Variants in STX8 observed in about 807,000 individuals in gnomAD.
STX8 encodes the protein syntaxin 8, also known as syntaxin-8.
In STX8, 23 loss-of-function variants were observed where a neutral mutation model predicts 37.5. That is an observed-to-expected ratio of 0.61 (90% CI 0.44 to 0.87). The LOEUF is 0.87. STX8 is among the 40% of genes least tolerant of loss of function. The probability of loss-of-function intolerance (pLI) is 0.00; values close to 1 mark genes in which losing one functional copy is unlikely to be tolerated. For synonymous variants in STX8, 115 were observed against 99.1 expected, an observed-to-expected ratio of 1.16 and a Z score of -0.95; for missense variants, 313 against 284.7, an observed-to-expected ratio of 1.10 and a Z score of -0.71.
intron 6 of STX8, among the ~76,000 whole-genome samples, chr17:9,478,710 G>A (rs1906196161): frequency 6.6e-6 from 1 of 152,108 alleles, no homozygotes; most frequent in South Asian, 2.1e-4. Context: ...CATGATTCTT[G>A]TCACTTGCTG....
intron 2 of STX8, among the ~76,000 whole-genome samples, chr17:9,558,587 G>A (rs1465841606): frequency 2.0e-5 from 3 of 152,250 alleles, no homozygotes; most frequent in Admixed American, 6.5e-5. Context: ...TGTAATCCCA[G>A]CACTTTGGGA....
intron 6 of STX8, among the ~76,000 whole-genome samples, chr17:9,428,900 A>G (rs1340506368): frequency 6.6e-6 from 1 of 152,164 alleles, no homozygotes; most frequent in Non-Finnish European, 1.5e-5. Flanking sequence ...GTCTATTCAG[A>G]GGCTCTGTTG....
intron 7 of STX8, among the ~76,000 whole-genome samples, chr17:9,269,582 TG>T (rs1907375786): frequency 6.6e-6 from 1 of 152,210 alleles, no homozygotes; most frequent in South Asian, 2.1e-4. Context: ...TCCACTCTTC[TG>T]GAAAAAAGTA....
At position 9,291,841 on chromosome 17, in the gene STX8, G is replaced by A. The variant is rs532530991; in HGVS notation, c.644-41196C>T. On this transcript the variant is annotated intron_variant, in intron 7 of 7. Coordinates refer to ENST00000306357, the MANE Select transcript of STX8 (RefSeq NM_004853.3). ...GGGCTTTGAACAGTCCAAAGGCTCC[G>A]CTAGCCAGTCTTTATTGCTTGCTGT... Among the ~76,000 whole-genome samples, 17 of 152,284 alleles carry A rather than the reference G, an allele frequency of 1.1e-4. No individual in the cohort carries two copies. In the South Asian group the frequency reaches 2.5e-3, roughly 22 times the overall value.
intron 7 of STX8, among the ~76,000 whole-genome samples, chr17:9,328,372 G>A (rs1353870032): frequency 6.6e-6 from 1 of 152,130 alleles, no homozygotes. Context: ...GACAGCCTTT[G>A]AGGCCCTTCC....
intron 4 of STX8, among the ~76,000 whole-genome samples, chr17:9,520,174 C>T (rs978881350): frequency 6.6e-6 from 1 of 152,146 alleles, no homozygotes; most frequent in Admixed American, 6.6e-5. Context: ...TTTTTAAGCT[C>T]TCTTTCTTAA....
At chr17:9,558,526 A>T (rs1323362196) in intron 2 of STX8, among the ~76,000 whole-genome samples, 1 of 152,192 alleles carries the variant, frequency 6.6e-6, no homozygotes, top group Admixed American at 6.5e-5. Flanking sequence ...AGGAAAGCAG[A>T]TCTCTCTACA....
chr17:9,378,838 AAAG>A (rs1390413082), intron 6 of STX8, among the ~76,000 whole-genome samples, 185 bp from the exon 7 acceptor site: 1 of 152,172 alleles, frequency 6.6e-6, no homozygotes, highest in Non-Finnish European at 1.5e-5. Flanking sequence ...AAGCAGTAGT[AAAG>A]AAGAAAACTG....
intron 7 of STX8, among the ~76,000 whole-genome samples, chr17:9,320,947 A>C (rs1460478173): frequency 7.3e-6 from 1 of 136,206 alleles, no homozygotes; most frequent in Non-Finnish European, 1.6e-5. Context: ...CGGGGCCTCC[A>C]AAAAAAAAAA....
chr17:9,394,462 C>G (rs1468028781), intron 6 of STX8, among the ~76,000 whole-genome samples: 2 of 151,742 alleles, frequency 1.3e-5, no homozygotes, highest in African/African-American at 2.4e-5. Flanking sequence ...ACTGCAACCT[C>G]TGCCTCCCGG....
chr17:9,344,206 C>T (rs1049174274), intron 7 of STX8, among the ~76,000 whole-genome samples: 19 of 151,214 alleles, frequency 1.3e-4, no homozygotes, highest in Admixed American at 6.6e-4. Flanking sequence ...GTCAAGACCA[C>T]GGAGGCTCCA....
intron 6 of STX8, among the ~76,000 whole-genome samples, chr17:9,396,610 T>TGAGGCAGGAGATTCGCTTG (rs1912412456): frequency 1.3e-5 from 2 of 151,426 alleles, no homozygotes; most frequent in South Asian, 2.1e-4. Context: ...CTCGGGAGGC[T>TGAGGCAGGAGATTCGCTTG]GAGGCAGGAG....
chr17:9,322,901 G>GAA (rs796442636), intron 7 of STX8, among the ~76,000 whole-genome samples: 25 of 129,818 alleles, frequency 1.9e-4, no homozygotes, highest in African/African-American at 5.3e-4. Context: ...CTTTTATGAG[G>GAA]AAAAAAAAAA....
At chr17:9,480,359 A>G (rs1906275523) in intron 6 of STX8, among the ~76,000 whole-genome samples, 1 of 152,244 alleles carries the variant, frequency 6.6e-6, no homozygotes, top group Non-Finnish European at 1.5e-5. Flanking sequence ...ACTATGTTTA[A>G]TAACACTTTT....
chr17:9,406,675 A>G (rs1912813735), intron 6 of STX8, among the ~76,000 whole-genome samples: 1 of 152,228 alleles, frequency 6.6e-6, no homozygotes, highest in African/African-American at 2.4e-5. Flanking sequence ...AAAATAGATG[A>G]GCATCTGCAT....
At chr17:9,439,639 G>A (rs930321378) in intron 6 of STX8, among the ~76,000 whole-genome samples, 1 of 151,744 alleles carries the variant, frequency 6.6e-6, no homozygotes, top group African/African-American at 2.4e-5. Context: ...GGGACTACAG[G>A]TGCGTGCCAC....
intron 7 of STX8, among the ~76,000 whole-genome samples, chr17:9,313,638 C>G (rs1035398813): frequency 7.2e-5 from 11 of 152,160 alleles, no homozygotes; most frequent in African/African-American, 2.7e-4. Context: ...ATCTCTAAGT[C>G]TTTTTGAGAC....
intron 7 of STX8, among the ~76,000 whole-genome samples, chr17:9,322,814 T>TAAAAAAAA (rs59941529): frequency 6.2e-5 from 4 of 64,670 alleles, no homozygotes; most frequent in Admixed American, 4.1e-4. Flanking sequence ...GTGCATTTGC[T>TAAAAAAAA]AAAAAAAAAA....
At chr17:9,555,524 C>T (rs897500794) in intron 3 of STX8, 4 of 152,178 alleles carry the variant, frequency 2.6e-5, no homozygotes, top group Non-Finnish European at 5.9e-5. Context: ...TGAATTTACA[C>T]ACCTTGCCAT....
Sources: gnomAD v4.1 joint callset for allele counts (sites outside exome capture counted in the v4.1 genomes callset) on GRCh38, gnomAD v4.1.1 for gene constraint, MANE v1.5 for transcripts, NCBI Gene and HGNC (gene_info 2026-07-23, HGNC 2026-07-21) for gene names.